The following PCNT variants were observed in gnomAD, a reference collection of about 807,000 sequenced individuals.
The protein encoded by PCNT is kendrin.
A neutral mutation model predicts 380.4 loss-of-function variants in PCNT; 319 were observed. The observed-to-expected ratio is 0.84, with a 90% confidence interval of 0.77 to 0.92. The LOEUF (loss-of-function observed/expected upper bound fraction) is 0.92, where lower values mean the gene tolerates loss of function less well. PCNT is among the 40% of genes least tolerant of loss of function. The probability of loss-of-function intolerance (pLI) is 0.00; values close to 1 mark genes in which losing one functional copy is unlikely to be tolerated. For synonymous variants in PCNT, 1,845 were observed against 1,735.2 expected (o/e 1.06, Z -1.57); for missense variants, 4,400 against 4,255.3 (o/e 1.03, Z -0.95).
intron 29 of PCNT, among the ~76,000 whole-genome samples, chr21:46,414,349 G>A (rs943941751): frequency 6.6e-6 from 1 of 151,878 alleles, no homozygotes; most frequent in African/African-American, 2.4e-5. Context: ...CCAAGGCCCA[G>A]CGCAGCCTCC....
At chr21:46,348,962 T>C (rs779063290) in intron 6 of PCNT, 50 bp from the exon 7 acceptor site, 21 of 1,240,846 alleles carry the variant, frequency 1.7e-5, no homozygotes, top group East Asian at 1.2e-4. Flanking sequence ...TAAATTTCTT[T>C]AGCACAGATA....
rs1180095603 is a variant in PCNT, at chr21:46,325,416, G to A, written c.55-961G>A. Among the ~76,000 whole-genome samples, 3 of 152,236 alleles carry A rather than the reference G, an allele frequency of 2.0e-5. No individual in the cohort carries two copies. The East Asian group carries it at 5.8e-4, about 29-fold the overall frequency. On this transcript the variant is annotated intron_variant, in intron 1 of 46. Transcript: ENST00000359568. ...AGGGGGGAGGGAGGGACAAGACGCC[G>A]CCTGTAGGGCGACGCAGGCCGCAGA...
chr21:46,324,651 A>T (rs2083301683), intron 1 of PCNT, among the ~76,000 whole-genome samples: 2 of 151,150 alleles, frequency 1.3e-5, no homozygotes, highest in Non-Finnish European at 3.0e-5. Flanking sequence ...GCGTGGCTGC[A>T]CGGAGGGGGT....
intron 11 of PCNT, 47 bp downstream of exon 11, chr21:46,354,115 C>A: frequency 6.7e-7 from 1 of 1,491,084 alleles, no homozygotes; most frequent in South Asian, 1.1e-5. Context: ...TGCTCTTGAC[C>A]TTCCAGCCCT....
rs757085279 is a variant in PCNT at position 46,334,248 on chromosome 21, C to G, written c.268-149C>G. On this transcript the variant is annotated intron_variant, in intron 2 of 46. Coordinates refer to ENST00000359568, the MANE Select transcript of PCNT (RefSeq NM_006031.6). ...GTTTAGAGCTTGGGAATTGTTAATG[C>G]GGAAGGTGCACGTTCTGAACAGGTG... 3.0e-6 allele frequency: 3 copies of G among 1,005,484 alleles called. No individual in the cohort carries two copies. In the East Asian group the frequency reaches 7.2e-5, roughly 24 times the overall value. The allele number at this position is 1,005,484 out of a possible 1,614,324, so 62.3% of individuals were successfully genotyped here. A position where few individuals can be genotyped will look rare whatever the true frequency, so the allele number is the denominator to read the frequency against.
rs568896635 is a variant in PCNT, at chr21:46,391,438, T to G, written c.4216+62T>G. 1.3e-3 allele frequency: 1,721 copies of G among 1,352,414 alleles called. 3 individuals carry two copies. The highest frequency in any genetic ancestry group is 2.4e-3 in the Admixed American group (118 of 49,054). The allele number at this position is 1,352,414 out of a possible 1,614,324, so 83.8% of individuals were successfully genotyped here. A position where few individuals can be genotyped will look rare whatever the true frequency, so the allele number is the denominator to read the frequency against. On this transcript the variant is annotated intron_variant, in intron 21 of 46. Coordinates refer to ENST00000359568, the MANE Select transcript of PCNT (RefSeq NM_006031.6). ...TGGGGCGCGGATACAGCTGCCACGG[T>G]TTCCCCAGCTCCCAAGGACACTCAG...
chr21:46,440,193 C>G lies in PCNT; in HGVS notation c.9384C>G (p.Ser3128Arg), dbSNP rs773912274. 6.2e-7 allele frequency: 1 copy of G among 1,614,094 alleles called. No individual in the cohort carries two copies. The highest frequency in any genetic ancestry group is 1.7e-5 in the Admixed American group (1 of 60,030). The stretch of plus-strand genomic sequence containing the variant: ...CTGCCAGCGAGGAAGCACACACCAG[C>G]AATGTCAAGGTAGGAACGGTGCCAC... ...PPAASEEAHTSNVKMEKLYLH... is the reference protein window; with the variant it reads ...PPAASEEAHTRNVKMEKLYLH... The change falls in exon 42 of 47, where the codon AGC becomes AGG. Residue 3128 changes from serine to arginine, a missense_variant. Physicochemically the swap from Ser to Arg is moderately radical, Grantham distance 110. Coordinates refer to ENST00000359568, the MANE Select transcript of PCNT (RefSeq NM_006031.6).
In PCNT at chr21:46,385,826, C is replaced by G; in HGVS notation, c.3313-6C>G. On this transcript the variant is annotated splice_polypyrimidine_tract_variant and splice_region_variant and intron_variant, in intron 16 of 46. Coordinates refer to ENST00000359568, the MANE Select transcript of PCNT (RefSeq NM_006031.6). ...TAACGAAAGCTTTAACCATTTTTCT[C>G]GATAGCTGAAAGACCAGGTTTTATC... The G allele has an allele frequency of 6.2e-7, 1 of 1,614,134 alleles. No homozygotes were observed. Among genetic ancestry groups the G allele is most frequent in the Non-Finnish European group, 8.5e-7 (1 of 1,179,968 alleles).
At chr21:46,342,414 T>TATTTATA (rs2083933898) in intron 3 of PCNT, among the ~76,000 whole-genome samples, 1 of 152,178 alleles carries the variant, frequency 6.6e-6, no homozygotes, top group Non-Finnish European at 1.5e-5. Flanking sequence ...GTCTCCATAC[T>TATTTATA]GTATTTTTAT....
intron 2 of PCNT, among the ~76,000 whole-genome samples, chr21:46,327,534 G>A (rs2083432297): frequency 6.6e-6 from 1 of 152,068 alleles, no homozygotes; most frequent in Non-Finnish European, 1.5e-5. Context: ...TTAAAGTGTT[G>A]GGATTATAGG....
At chr21:46,426,595 C>T (rs1007180665) in intron 33 of PCNT, among the ~76,000 whole-genome samples, 3 of 152,184 alleles carry the variant, frequency 2.0e-5, no homozygotes, top group Admixed American at 6.5e-5. Context: ...TCCTGCCACT[C>T]GGGTGACTTG....
intron 27 of PCNT, among the ~76,000 whole-genome samples, chr21:46,409,379 G>C (rs1054381908): frequency 5.3e-5 from 8 of 151,792 alleles, no homozygotes; most frequent in Non-Finnish European, 1.2e-4. Flanking sequence ...AGTAGAGACG[G>C]GGTTTCTCCA....
At chr21:46,397,127 G>A in intron 21 of PCNT, 138 bp from the exon 22 acceptor site, 1 of 722,128 alleles carries the variant, frequency 1.4e-6, no homozygotes, top group South Asian at 1.5e-5. Flanking sequence ...TGTTTTAAAA[G>A]ATGGGCGTTT....
chr21:46,397,145 A>C lies in PCNT; in HGVS notation c.4217-120A>C, dbSNP rs370584068. Reference sequence around the variant, plus strand: ...TTTAAAAGATGGGCGTTTTACCCCGAATTGAAGTGACTTCATTTTCGGTGG... The same window carrying C: ...TTTAAAAGATGGGCGTTTTACCCCGCATTGAAGTGACTTCATTTTCGGTGG... On this transcript the variant is annotated intron_variant, in intron 21 of 46. Transcript: ENST00000359568. 4 of 810,876 alleles carry C rather than the reference A, an allele frequency of 4.9e-6. No homozygotes were observed. In the African/African-American group the frequency reaches 6.7e-5, roughly 14 times the overall value. The allele number at this position is 810,876 out of a possible 1,614,324, so 50.2% of individuals were successfully genotyped here.
At chr21:46,421,212 G>T (rs937560965) in intron 31 of PCNT, among the ~76,000 whole-genome samples, 5 of 152,232 alleles carry the variant, frequency 3.3e-5, no homozygotes, top group African/African-American at 7.2e-5. Flanking sequence ...CTGTGCCGGG[G>T]CATCATCCCC....
At chr21:46,415,327 A>G (rs1316175479) in intron 29 of PCNT, among the ~76,000 whole-genome samples, 1 of 150,440 alleles carries the variant, frequency 6.6e-6, no homozygotes, top group Non-Finnish European at 1.5e-5. Flanking sequence ...CCTGCGGCAA[A>G]CAGTCTTGGG....
chr21:46,380,691 G>C (rs1367671578), intron 15 of PCNT, among the ~76,000 whole-genome samples: 1 of 152,108 alleles, frequency 6.6e-6, no homozygotes, highest in African/African-American at 2.4e-5. Context: ...CACTCAGCCT[G>C]TGTTTTCCAT....
At chr21:46,327,374 A>G (rs1198305101) in intron 2 of PCNT, among the ~76,000 whole-genome samples, 1 of 149,148 alleles carries the variant, frequency 6.7e-6, no homozygotes, top group East Asian at 2.0e-4. Context: ...TTTTATTCTT[A>G]ATAAATTTGG....
intron 31 of PCNT, among the ~76,000 whole-genome samples, chr21:46,419,165 G>A (rs888188416): frequency 6.6e-6 from 1 of 152,116 alleles, no homozygotes; most frequent in Non-Finnish European, 1.5e-5. Context: ...ATTTTTCAGC[G>A]ATTTAGTGTT....
Sources: gnomAD v4.1 joint callset for allele counts (sites outside exome capture counted in the v4.1 genomes callset) on GRCh38, gnomAD v4.1.1 for gene constraint, MANE v1.5 for transcripts, NCBI Gene and HGNC (gene_info 2026-07-23, HGNC 2026-07-21) for gene names.